The following AFDN variants were observed in gnomAD, a reference collection of about 807,000 sequenced individuals.
AFDN encodes the protein afadin.
A neutral mutation model predicts 216.6 loss-of-function variants in AFDN; 68 were observed. The ratio of observed to expected loss-of-function variants is 0.31; its 90% confidence interval spans 0.26 to 0.38. The LOEUF (loss-of-function observed/expected upper bound fraction) is 0.38, where lower values mean the gene tolerates loss of function less well. AFDN is among the 10% of genes least tolerant of loss of function. AFDN has a pLI of 1.00. For synonymous variants in AFDN, 868 were observed against 853.7 expected, an observed-to-expected ratio of 1.02 and a Z score of -0.29; for missense variants, 2,136 against 2,342.0, an observed-to-expected ratio of 0.91 and a Z score of 1.82.
chr6:167,889,633 T>C (rs537718420), intron 7 of AFDN, among the ~76,000 whole-genome samples: 1 of 152,290 alleles, frequency 6.6e-6, no homozygotes, highest in African/African-American at 2.4e-5. Context: ...GGTTTCTCCA[T>C]GTGGATGGCT....
At position 167,965,913 on chromosome 6, in the gene AFDN, G is replaced by A. The variant is rs1050526422; in HGVS notation, c.5125G>A (p.Gly1709Ser). The stretch of plus-strand genomic sequence containing the variant: ...GCCCCCGTCCCCGTCCCCCGCGCCC[G>A]GCGCCCCTCCTCCCCCGCCTCAGCG... Reference protein sequence around the residue: ...YEPPSPSPAPGAPPPPPQRNA... With the variant: ...YEPPSPSPAPSAPPPPPQRNA... The change falls in exon 32 of 34, where the codon GGC (glycine) becomes AGC (serine). Residue 1709 changes from glycine to serine, a missense_variant. This residue lies in a region of AFDN where 981 missense variants were observed against 966.0 expected (regional missense o/e 1.02). Coordinates refer to ENST00000683244, the MANE Select transcript of AFDN (RefSeq NM_001386888.1). The A allele has an allele frequency of 1.8e-5, 19 of 1,053,156 alleles. No individual in the cohort carries two copies. The East Asian group carries it at 5.6e-4, about 31-fold the overall frequency. The allele number at this position is 1,053,156 out of a possible 1,614,324, so 65.2% of individuals were successfully genotyped here. A position where few individuals can be genotyped will look rare whatever the true frequency, so the allele number is the denominator to read the frequency against.
chr6:167,872,407 C>A, intron 4 of AFDN, 30 bp downstream of exon 4: 1 of 1,583,294 alleles, frequency 6.3e-7, no homozygotes, highest in Non-Finnish European at 8.6e-7. Context: ...GTTCCCCTTT[C>A]TTTGTGCTCC....
At position 167,946,816 on chromosome 6, in the gene AFDN, A is replaced by G; in HGVS notation, c.3468A>G (p.Ala1156=). The part of the protein sequence containing the change: ...GSPESPQLPW[A]EYSEPKKLPG... The stretch of plus-strand genomic sequence containing the variant: ...CTGAGAGTCCTCAGCTGCCTTGGGC[A>G]GAATATAGTGAACCAAAGAAATTGC... Residue 1156 remains alanine (A), a synonymous_variant, in exon 27 of 34, where the codon GCA becomes GCG. Coordinates refer to ENST00000683244, the MANE Select transcript of AFDN (RefSeq NM_001386888.1). 2.5e-6 allele frequency: 4 copies of G among 1,613,198 alleles called. No individual in the cohort carries two copies. The highest frequency in any genetic ancestry group is 3.4e-6 in the Non-Finnish European group (4 of 1,179,816).
chr6:167,952,629 A>G (rs1326266858), intron 30 of AFDN: 2 of 361,548 alleles, frequency 5.5e-6, no homozygotes, highest in Non-Finnish European at 7.7e-6. Context: ...AAAAGCAGCC[A>G]CAGGCACAAG....
chr6:167,846,689 A>G (rs1278348815), intron 1 of AFDN, among the ~76,000 whole-genome samples: 1 of 150,004 alleles, frequency 6.7e-6, no homozygotes, highest in East Asian at 1.9e-4. Context: ...AAAAAAGTAT[A>G]ATATTTAAAA....
At chr6:167,847,270 T>C (rs994328503) in intron 1 of AFDN, among the ~76,000 whole-genome samples, 1 of 152,166 alleles carries the variant, frequency 6.6e-6, no homozygotes, top group Non-Finnish European at 1.5e-5. Flanking sequence ...TCTCCACTTA[T>C]TCCCTAGGTG....
At chr6:167,944,414 G>GA (rs1795035805) in intron 26 of AFDN, among the ~76,000 whole-genome samples, 1 of 152,134 alleles carries the variant, frequency 6.6e-6, no homozygotes, top group South Asian at 2.1e-4. Flanking sequence ...AAGAATGAAT[G>GA]AATGGATTTT....
chr6:167,889,284 G>T lies in AFDN; in HGVS notation c.967G>T (p.Glu323Ter). 1 of 1,614,014 alleles carries T rather than the reference G, an allele frequency of 6.2e-7. No homozygotes were observed. Among genetic ancestry groups the T allele is most frequent in the Non-Finnish European group, 8.5e-7 (1 of 1,179,878 alleles). ...TAAAGAAATTATTCTTGATGATGAT[G>T]AGTGTCCTTTACAAATCTTCAGGGA... ...GAKEIILDDDECPLQIFREWP... is the reference protein window; with the variant it reads ...GAKEIILDDD Residue 323 changes from glutamate to a stop codon, truncating the protein, a stop_gained, in exon 7 of 34, where the codon GAG becomes TAG. Transcript: ENST00000683244. LOFTEE classifies it high-confidence loss of function.
intron 5 of AFDN, among the ~76,000 whole-genome samples, chr6:167,877,348 T>A (rs1244749682): frequency 6.6e-6 from 1 of 152,114 alleles, no homozygotes; most frequent in Non-Finnish European, 1.5e-5. Context: ...CACATGGCGA[T>A]TAGGGTTTGG....
At chr6:167,858,467 G>GGCA (rs1783151688) in intron 1 of AFDN, among the ~76,000 whole-genome samples, 3 of 152,168 alleles carry the variant, frequency 2.0e-5, no homozygotes, top group Non-Finnish European at 2.9e-5. Flanking sequence ...TGTTTTGTTA[G>GGCA]TTTTCTTAAG....
intron 29 of AFDN, among the ~76,000 whole-genome samples, chr6:167,949,276 GA>G (rs1795694853): frequency 6.6e-6 from 1 of 152,210 alleles, no homozygotes; most frequent in South Asian, 2.1e-4. Context: ...CTGGATCGCA[GA>G]CGCTCTAGGA....
At chr6:167,868,608 C>G (rs1200001629) in intron 2 of AFDN, among the ~76,000 whole-genome samples, 1 of 152,114 alleles carries the variant, frequency 6.6e-6, no homozygotes, top group African/African-American at 2.4e-5. Flanking sequence ...TCTTCCAGTC[C>G]TTGGAAAATC....
At chr6:167,938,991 AT>A (rs1794351751) in intron 23 of AFDN, among the ~76,000 whole-genome samples, 1 of 152,120 alleles carries the variant, frequency 6.6e-6, no homozygotes, top group Non-Finnish European at 1.5e-5. Context: ...CTATTTTATG[AT>A]TTTAAAAAGG....
At chr6:167,961,631 G>A (rs1254732255) in intron 30 of AFDN, among the ~76,000 whole-genome samples, 1 of 152,182 alleles carries the variant, frequency 6.6e-6, no homozygotes, top group Non-Finnish European at 1.5e-5. Flanking sequence ...GAACTGGAAT[G>A]ACCAAAAAGA....
At chr6:167,955,213 G>A (rs1191135891) in intron 30 of AFDN, among the ~76,000 whole-genome samples, 1 of 152,126 alleles carries the variant, frequency 6.6e-6, no homozygotes. Context: ...AAAGACAAAA[G>A]CCAATATCAG....
chr6:167,946,081 T>C (rs1483502887), intron 26 of AFDN, among the ~76,000 whole-genome samples: 1 of 152,200 alleles, frequency 6.6e-6, no homozygotes, highest in Non-Finnish European at 1.5e-5. Flanking sequence ...AAGGGGCAGC[T>C]CAACAAAACC....
At chr6:167,872,186 A>C in intron 3 of AFDN, 28 bp from the exon 4 acceptor site, 1 of 1,595,068 alleles carries the variant, frequency 6.3e-7, no homozygotes, top group Non-Finnish European at 8.5e-7. Flanking sequence ...CATAGTAGTC[A>C]ATATGGTGAT....
chr6:167,897,782 G>A (rs543685198), intron 10 of AFDN, among the ~76,000 whole-genome samples: 2 of 151,378 alleles, frequency 1.3e-5, no homozygotes, highest in Admixed American at 1.3e-4. Flanking sequence ...GAGTAGCTGG[G>A]GTTACAGGCA....
rs9364372 is a variant in AFDN, at chr6:167,959,342, G to A, written c.4834-3091G>A. Among the ~76,000 whole-genome samples, 484 of 152,290 alleles carry A rather than the reference G, an allele frequency of 3.2e-3. 22 individuals carry two copies. In the East Asian group the frequency reaches 0.07, roughly 22 times the overall value. On this transcript the variant is annotated intron_variant, in intron 30 of 33. Coordinates refer to ENST00000683244, the MANE Select transcript of AFDN (RefSeq NM_001386888.1). ...TAATACATTCTACCACTGTGAGAGA[G>A]GACTTCAGTTTCCTAATGAGGAAAT...
Sources: allele counts gnomAD v4.1 joint callset (sites outside exome capture counted in the v4.1 genomes callset), GRCh38; gene constraint gnomAD v4.1.1; regional missense constraint gnomAD v4.1.1; transcripts MANE v1.5; gene names NCBI Gene and HGNC (gene_info 2026-07-23, HGNC 2026-07-21).